The following JARID2 variants were observed in gnomAD, a reference collection of about 807,000 sequenced individuals.
JARID2 encodes jumonji and AT-rich interaction domain containing 2, also known as protein Jumonji.
JARID2 carries 21 observed loss-of-function variants against 125.6 expected under a neutral mutation model. The ratio of observed to expected loss-of-function variants is 0.17; its 90% CI spans 0.12 to 0.24. JARID2 has a LOEUF of 0.24. JARID2 is among the 10% of genes least tolerant of loss of function. The pLI is 1.00. For missense variants in JARID2, 1,303 were observed against 1,639.6 expected (o/e 0.79, Z 3.55); for synonymous variants, 736 against 661.6 (o/e 1.11, Z -1.73).
chr6:15,397,370 A>G (rs1276086482), intron 2 of JARID2, among the ~76,000 whole-genome samples: 2 of 152,162 alleles, frequency 1.3e-5, no homozygotes, highest in Non-Finnish European at 2.9e-5. Context: ...ATTCTCTGGC[A>G]CCATAACCTT....
chr6:15,449,737 CTA>C lies in JARID2; in HGVS notation c.324-2266_324-2265del, dbSNP rs1271130847. On this transcript the variant is annotated intron_variant, in intron 3 of 17. Transcript: ENST00000341776. ...ATTGTTTGTAGATTTTTTTTAAGGA[CTA>C]TAGATTACCCACTAAGTAGTTGGAG... Among the ~76,000 whole-genome samples the C allele has an allele frequency of 1.5e-4, 22 of 151,474 alleles. 1 individual carries two copies. Among genetic ancestry groups the C allele is most frequent in the Non-Finnish European group, 3.2e-4 (22 of 67,944 alleles).
chr6:15,285,150 C>G (rs1581369047), intron 1 of JARID2, among the ~76,000 whole-genome samples: 4 of 106,446 alleles, frequency 3.8e-5, no homozygotes, highest in Admixed American at 2.8e-4. Flanking sequence ...TGCTCTTGTT[C>G]TCCAGACTGG....
Position 15,408,902 on chromosome 6 carries a change from T to C in JARID2, c.182-1322T>C, listed in dbSNP as rs187810143. On this transcript the variant is annotated intron_variant, in intron 2 of 17. Coordinates refer to ENST00000341776, the MANE Select transcript of JARID2 (RefSeq NM_004973.4). The stretch of plus-strand genomic sequence containing the variant: ...CAGTGCAGACTCCCAGCATTTTCTT[T>C]GGGGGTTTTTGTATGTTTCTATTTC... 5.9e-5 allele frequency among the ~76,000 whole-genome samples: 9 copies of C among 152,226 alleles called. No individual in the cohort carries two copies. The East Asian group carries it at 1.7e-3, about 29-fold the overall frequency.
chr6:15,400,844 G>T, intron 2 of JARID2: 3 of 1,284,250 alleles, frequency 2.3e-6, no homozygotes, highest in Non-Finnish European at 3.0e-6. Context: ...TACGTACAGG[G>T]GAGGATTGTT....
intron 3 of JARID2, among the ~76,000 whole-genome samples, chr6:15,413,514 C>T (rs1464565605): frequency 2.0e-5 from 3 of 152,198 alleles, no homozygotes; most frequent in African/African-American, 7.2e-5. Flanking sequence ...GATTGAGGGA[C>T]TGCATCTGGC....
intron 5 of JARID2, among the ~76,000 whole-genome samples, chr6:15,472,263 G>T (rs2299041): frequency 0.67 from 102,181 of 151,762 alleles, 34,649 homozygotes; most frequent in East Asian, 0.81. Flanking sequence ...TCCCTCTTCC[G>T]CCCTGTCTCT....
intron 1 of JARID2, among the ~76,000 whole-genome samples, chr6:15,342,655 ATTAAG>A (rs1554125983): frequency 7.2e-5 from 11 of 152,204 alleles, no homozygotes; most frequent in Non-Finnish European, 1.6e-4. Context: ...GGGGTATTCT[ATTAAG>A]TTCTATTAAC....
intron 1 of JARID2, among the ~76,000 whole-genome samples, chr6:15,288,326 T>A (rs547944911): frequency 1.3e-5 from 2 of 151,656 alleles, no homozygotes; most frequent in African/African-American, 4.8e-5. Flanking sequence ...AAAGGGGAGA[T>A]GCCACACAAT....
chr6:15,370,106 G>A (rs1252048004), intron 1 of JARID2, among the ~76,000 whole-genome samples: 1 of 152,148 alleles, frequency 6.6e-6, no homozygotes, highest in African/African-American at 2.4e-5. Context: ...ACTGAGCTTC[G>A]TTGAGTTTGT....
chr6:15,486,805 A>ATTTTTTTTTTTTTTT (rs766075740), intron 5 of JARID2, among the ~76,000 whole-genome samples: 1 of 40,640 alleles, frequency 2.5e-5, no homozygotes, highest in Admixed American at 2.2e-4. Context: ...CTGAGAATAG[A>ATTTTTTTTTTTTTTT]CTTTTTTTTT....
chr6:15,365,422 G>C (rs895360878), intron 1 of JARID2, among the ~76,000 whole-genome samples: 2 of 152,146 alleles, frequency 1.3e-5, no homozygotes, highest in African/African-American at 2.4e-5. Context: ...AACCATGAGC[G>C]TGCGGACGTC....
At chr6:15,423,660 C>CCT (rs1387582379) in intron 3 of JARID2, among the ~76,000 whole-genome samples, 1 of 152,134 alleles carries the variant, frequency 6.6e-6, no homozygotes, top group Non-Finnish European at 1.5e-5. Flanking sequence ...CTGAGAGGTA[C>CCT]CTCTGTATGC....
chr6:15,470,997 C>T (rs1317563622), intron 5 of JARID2, among the ~76,000 whole-genome samples: 1 of 152,122 alleles, frequency 6.6e-6, no homozygotes, highest in African/African-American at 2.4e-5. Flanking sequence ...CTGAACGATT[C>T]CTTTGGTAGC....
At chr6:15,453,903 C>G (rs1303438716) in intron 4 of JARID2, among the ~76,000 whole-genome samples, 1 of 152,124 alleles carries the variant, frequency 6.6e-6, no homozygotes, top group Admixed American at 6.5e-5. Flanking sequence ...GGGATAAGTG[C>G]TGTTGAGGAG....
chr6:15,491,577 G>C (rs1362095142), intron 6 of JARID2, among the ~76,000 whole-genome samples: 1 of 152,230 alleles, frequency 6.6e-6, no homozygotes, highest in Non-Finnish European at 1.5e-5. Context: ...TCCCTCTCGT[G>C]GAGAAGAAGA....
Position 15,439,469 on chromosome 6 carries a change from A to G in JARID2, c.324-12537A>G, listed in dbSNP as rs1012584096. ...GATAGTGAGGCTTTGTGAGGAACCT[A>G]CGATGGATATGTGGCTGCAGCCTTC... is the stretch of plus-strand genomic sequence containing the variant. On this transcript the variant is annotated intron_variant, in intron 3 of 17. Coordinates refer to ENST00000341776, the MANE Select transcript of JARID2 (RefSeq NM_004973.4). Among the ~76,000 whole-genome samples, 4 of 152,188 alleles carry G rather than the reference A, an allele frequency of 2.6e-5. 1 individual carries two copies. Among genetic ancestry groups the G allele is most frequent in the African/African-American group, 9.7e-5 (4 of 41,438 alleles).
intron 1 of JARID2, among the ~76,000 whole-genome samples, chr6:15,294,022 C>T (rs1416889682): frequency 2.6e-5 from 4 of 152,176 alleles, no homozygotes; most frequent in Admixed American, 2.6e-4. Context: ...CTTTGTGACT[C>T]CTATGCCAAG....
intron 5 of JARID2, among the ~76,000 whole-genome samples, chr6:15,469,318 GTCTCTCTCTCTCTCTCTCCTGTCTC>G (rs1768920091): frequency 2.1e-5 from 1 of 48,566 alleles, no homozygotes; most frequent in Admixed American, 2.5e-4. Context: ...CTCTCTCTCT[GTCTCTCTCTCTCTCTCTCCTGTCTC>G]TCTCTCTCTC....
intron 1 of JARID2, among the ~76,000 whole-genome samples, chr6:15,298,983 A>G (rs1400651766): frequency 1.7e-5 from 2 of 116,022 alleles, no homozygotes; most frequent in Non-Finnish European, 3.3e-5. Context: ...TGTTCTGAGA[A>G]TGATTTTATT....
Sources: gnomAD v4.1 joint callset for allele counts (sites outside exome capture counted in the v4.1 genomes callset) on GRCh38, gnomAD v4.1.1 for gene constraint, MANE v1.5 for transcripts, NCBI Gene and HGNC (gene_info 2026-07-23, HGNC 2026-07-21) for gene names.